The following B9D1 variants were observed in gnomAD, a reference collection of about 807,000 sequenced individuals.
The protein encoded by B9D1 is B9 domain-containing protein 1.
Under a neutral mutation model 26.1 loss-of-function variants are expected in B9D1, and 20 were observed. The observed-to-expected ratio is 0.77, with a 90% CI of 0.54 to 1.12. The LOEUF (loss-of-function observed/expected upper bound fraction) is 1.12. B9D1 is among the 50% of genes most tolerant of loss of function. The pLI is 0.00. For missense variants in B9D1, 260 were observed against 273.7 expected, an observed-to-expected ratio of 0.95 and a Z score of 0.35; for synonymous variants, 105 against 103.1, an observed-to-expected ratio of 1.02 and a Z score of -0.11.
At chr17:19,344,548 T>C in intron 5 of B9D1, 1 of 253,054 alleles carries the variant, frequency 4.0e-6, no homozygotes. Flanking sequence ...CCAGGAGCAC[T>C]ATTCCCGGCC....
chr17:19,375,782 G>A (rs909883424), intron 1 of B9D1, among the ~76,000 whole-genome samples: 3 of 152,118 alleles, frequency 2.0e-5, no homozygotes, highest in African/African-American at 4.8e-5. Context: ...TGGAGAAATC[G>A]GAACTCTTAA....
chr17:19,366,615 T>C (rs929184413), upstream of B9D1, among the ~76,000 whole-genome samples: 5 of 151,718 alleles, frequency 3.3e-5, no homozygotes, highest in African/African-American at 9.7e-5. Flanking sequence ...GGAAGCAGAG[T>C]TGGGATTCAA....
intron 3 of B9D1, among the ~76,000 whole-genome samples, chr17:19,350,458 G>T (rs1909449922): frequency 6.6e-6 from 1 of 151,828 alleles, no homozygotes; most frequent in Admixed American, 6.6e-5. Flanking sequence ...AGGCAGAATT[G>T]CTTGAACCCA....
At chr17:19,376,245 C>A (rs1028105792) in intron 1 of B9D1, among the ~76,000 whole-genome samples, 5 of 151,988 alleles carry the variant, frequency 3.3e-5, no homozygotes, top group African/African-American at 1.2e-4. Flanking sequence ...GGGTATAAAC[C>A]AAAAATAAAA....
At chr17:19,362,227 CA>C (rs1449334953) in intron 1 of B9D1, among the ~76,000 whole-genome samples, 2 of 152,258 alleles carry the variant, frequency 1.3e-5, no homozygotes, top group African/African-American at 4.8e-5. Flanking sequence ...GTGATCCAAG[CA>C]AGTGGGCATG....
chr17:19,351,223 T>C (rs1445600981), intron 3 of B9D1, among the ~76,000 whole-genome samples: 1 of 152,224 alleles, frequency 6.6e-6, no homozygotes, highest in Non-Finnish European at 1.5e-5. Context: ...CTCAAACTCC[T>C]GGCCTCAAGC....
downstream of B9D1, chr17:19,341,147 T>G (rs373209178): frequency 9.8e-6 from 12 of 1,229,782 alleles, no homozygotes; most frequent in African/African-American, 1.6e-5. Context: ...CAGAAGAGGG[T>G]GACTTAGTAT....
chr17:19,350,718 T>G lies in B9D1; in HGVS notation c.245-2838A>C, dbSNP rs184112229. Among the ~76,000 whole-genome samples, 325 of 152,332 alleles carry G rather than the reference T, an allele frequency of 2.1e-3. 4 individuals are homozygous for G. In the South Asian group the frequency reaches 0.024, roughly 11 times the overall value. ...AGTGATGTTTGCTCTAAGCTTTTCA[T>G]AGATAATCTTGATCAGGTTAGGGAA... On this transcript the variant is annotated intron_variant, in intron 3 of 6. Transcript: ENST00000261499.
chr17:19,351,782 T>G (rs1164855287), intron 3 of B9D1, among the ~76,000 whole-genome samples: 1 of 152,260 alleles, frequency 6.6e-6, no homozygotes, highest in Admixed American at 6.5e-5. Context: ...TCATCTACCT[T>G]GCCAAATGTA....
downstream of B9D1, among the ~76,000 whole-genome samples, chr17:19,339,216 A>T (rs573754117): frequency 6.6e-6 from 1 of 152,056 alleles, no homozygotes; most frequent in African/African-American, 2.4e-5. Context: ...TTTGATGCTA[A>T]TTTTTTTTAG....
chr17:19,344,067 C>G (rs1284827610), intron 5 of B9D1, among the ~76,000 whole-genome samples: 1 of 152,240 alleles, frequency 6.6e-6, no homozygotes, highest in Non-Finnish European at 1.5e-5. Context: ...CACAGCCTAG[C>G]CAGGCCTCAT....
In B9D1 at chr17:19,347,833, C is replaced by A. The variant is rs764245755; in HGVS notation, c.292G>T (p.Asp98Tyr). 4 of 1,613,986 alleles carry A rather than the reference C, an allele frequency of 2.5e-6. No individual in the cohort carries two copies. Among genetic ancestry groups the A allele is most frequent in the Non-Finnish European group, 3.4e-6 (4 of 1,180,014 alleles). The change falls in exon 4 of 7, where the codon GAT becomes TAT. Residue 98 changes from aspartate to tyrosine, a missense_variant. Transcript: ENST00000261499. The surrounding 1 kb of genome is among the most constrained non-coding windows in gnomAD (Gnocchi z 4.3). ...ACGGCCCCATAGCCTCGAACCACAT[C>A]GTTCCCGAACACATCTGGTCCATAC... ...SVYGPDVFGN[D>Y]VVRGYGAVHV...
At chr17:19,365,153 C>T (rs1309980832), upstream of B9D1, among the ~76,000 whole-genome samples, 2 of 152,268 alleles carry the variant, frequency 1.3e-5, no homozygotes. This position sits in a 1 kb window ranked among gnomAD's most constrained non-coding sequence, Gnocchi z 5.0. Flanking sequence ...CGCTGGTGAG[C>T]GACGGAGGCC....
chr17:19,360,913 A>C (rs1910972416), intron 1 of B9D1, among the ~76,000 whole-genome samples: 1 of 152,210 alleles, frequency 6.6e-6, no homozygotes, highest in African/African-American at 2.4e-5. Flanking sequence ...GAACGGGTCC[A>C]CACAGCAAGA....
intron 3 of B9D1, among the ~76,000 whole-genome samples, chr17:19,354,348 T>C (rs1910049356): frequency 6.6e-6 from 1 of 152,232 alleles, no homozygotes; most frequent in African/African-American, 2.4e-5. Flanking sequence ...GTGAGGAATT[T>C]CAAAGTAAAT....
intron 3 of B9D1, among the ~76,000 whole-genome samples, chr17:19,348,679 T>C (rs567253840): frequency 6.6e-6 from 1 of 152,360 alleles, no homozygotes; most frequent in East Asian, 1.9e-4. Context: ...ACCTCTTTAC[T>C]TTTCTTTAAG....
intron 3 of B9D1, among the ~76,000 whole-genome samples, chr17:19,348,258 G>A (rs540264025): frequency 6.6e-6 from 1 of 152,280 alleles, no homozygotes; most frequent in South Asian, 2.1e-4. Flanking sequence ...TCCTGATGGA[G>A]GCGGGCTCAT....
intron 3 of B9D1, among the ~76,000 whole-genome samples, chr17:19,351,660 T>C (rs1277323234): frequency 6.6e-6 from 1 of 152,242 alleles, no homozygotes; most frequent in Non-Finnish European, 1.5e-5. Flanking sequence ...TGGAACTTTC[T>C]TTGTGAGAAC....
chr17:19,362,940 G>C, upstream of B9D1: 1 of 373,974 alleles, frequency 2.7e-6, no homozygotes, highest in East Asian at 6.6e-5. Flanking sequence ...CCGCCGAAGC[G>C]CAGAGGCGAA....
Sources: gnomAD v4.1 joint callset for allele counts (sites outside exome capture counted in the v4.1 genomes callset) on GRCh38, gnomAD v4.1.1 for gene constraint, Gnocchi (gnomAD v3.1) non-coding constraint, MANE v1.5 for transcripts, NCBI Gene and HGNC (gene_info 2026-07-23, HGNC 2026-07-21) for gene names.